The following LINGO3 variants were observed in gnomAD, a reference collection of about 807,000 sequenced individuals.
The protein encoded by LINGO3 is leucine rich repeat and Ig domain containing 3.
For synonymous variants in LINGO3, 427 were observed against 444.2 expected, an observed-to-expected ratio of 0.96 and a Z score of 0.49; for missense variants, 750 against 867.7, an observed-to-expected ratio of 0.86 and a Z score of 1.70.
chr19:2,305,739 C>G, the LINGO3 span, among the ~76,000 whole-genome samples: 1 of 152,190 alleles, frequency 6.6e-6, no homozygotes, highest in Non-Finnish European at 1.5e-5. Flanking sequence ...CTCCCTCCCT[C>G]TGCCCCCCAC....
At chr19:2,305,873 G>A in the LINGO3 span, among the ~76,000 whole-genome samples, 2 of 152,196 alleles carry the variant, frequency 1.3e-5, no homozygotes, top group Non-Finnish European at 2.9e-5. Context: ...TCTGCTTTTG[G>A]GGACACGCTG....
At chr19:2,305,072 A>G in the LINGO3 span, among the ~76,000 whole-genome samples, 6 of 152,076 alleles carry the variant, frequency 3.9e-5, no homozygotes, top group Non-Finnish European at 7.4e-5. Flanking sequence ...CGGTGCAATA[A>G]TAAATGTGTG....
chr19:2,300,729 C>T, the LINGO3 span, among the ~76,000 whole-genome samples: 1,944 of 152,250 alleles, frequency 0.013, 55 homozygotes, highest in African/African-American at 0.045. Flanking sequence ...TCCCCCACCC[C>T]GAACTCCCCT....
At chr19:2,292,988 A>G (rs2025540624), upstream of LINGO3, among the ~76,000 whole-genome samples, 1 of 152,314 alleles carries the variant, frequency 6.6e-6, no homozygotes, top group East Asian at 1.9e-4. Flanking sequence ...GACCCAGGCC[A>G]CGGTGGGGAT....
At chr19:2,291,335 C>T in exon 1 of LINGO3, 1 of 1,613,166 alleles carries the variant, frequency 6.2e-7, no homozygotes, top group Non-Finnish European at 8.5e-7. Context: ...CTGTGCAGGT[C>T]CTGGAAAGTG....
chr19:2,298,968 G>A, the LINGO3 span, among the ~76,000 whole-genome samples: 75 of 152,286 alleles, frequency 4.9e-4, no homozygotes, highest in South Asian at 7.5e-3. Flanking sequence ...AAGTGCCTGC[G>A]GGAGGCCTCA....
chr19:2,308,145 C>A, the LINGO3 span, among the ~76,000 whole-genome samples: 2 of 136,488 alleles, frequency 1.5e-5, no homozygotes, highest in South Asian at 2.2e-4. Context: ...CACGAGCAGC[C>A]GCCGCCGCCG....
chr19:2,291,915 G>C, exon 1 of LINGO3: 1 of 720,864 alleles, frequency 1.4e-6, no homozygotes, highest in Non-Finnish European at 2.4e-6. Flanking sequence ...GTCCCAGCAC[G>C]GCGGCTCGCT....
At chr19:2,300,632 C>T in the LINGO3 span, among the ~76,000 whole-genome samples, 3 of 152,072 alleles carry the variant, frequency 2.0e-5, no homozygotes, top group African/African-American at 7.2e-5. Flanking sequence ...ACCCCGGCCA[C>T]GCGGAGCCAA....
chr19:2,293,374 T>C (rs1416909927), upstream of LINGO3, among the ~76,000 whole-genome samples: 1 of 142,690 alleles, frequency 7.0e-6, no homozygotes, highest in Non-Finnish European at 1.5e-5. Flanking sequence ...TTTTTTTTTT[T>C]TTGGAGACAG....
At chr19:2,293,421 G>A (rs1464824999), upstream of LINGO3, among the ~76,000 whole-genome samples, 1 of 143,518 alleles carries the variant, frequency 7.0e-6, no homozygotes, top group Non-Finnish European at 1.5e-5. Flanking sequence ...GCAGTGGTGC[G>A]ATCTCAGCTC....
At chr19:2,297,367 T>G in the LINGO3 span, among the ~76,000 whole-genome samples, 1 of 132,286 alleles carries the variant, frequency 7.6e-6, no homozygotes, top group Non-Finnish European at 1.6e-5. Flanking sequence ...TGCAGTGGCA[T>G]GATCTCTGTT....
At chr19:2,300,907 G>A in the LINGO3 span, among the ~76,000 whole-genome samples, 1 of 152,212 alleles carries the variant, frequency 6.6e-6, no homozygotes, top group African/African-American at 2.4e-5. Flanking sequence ...GTCGTTCTCT[G>A]GGGTGGGGCC....
upstream of LINGO3, among the ~76,000 whole-genome samples, chr19:2,294,889 G>A (rs1460878226): frequency 1.3e-5 from 2 of 152,090 alleles, no homozygotes; most frequent in Admixed American, 1.3e-4. This position sits in a 1 kb window ranked among gnomAD's most constrained non-coding sequence, Gnocchi z 4.3. Context: ...CTGCTTGGCC[G>A]CCTCCCCCGC....
At chr19:2,297,320 T>C in the LINGO3 span, among the ~76,000 whole-genome samples, 89 of 137,462 alleles carry the variant, frequency 6.5e-4, no homozygotes, top group Non-Finnish European at 1.2e-3. Context: ...TTTTTTTTTT[T>C]CTGAGACAGA....
the LINGO3 span, among the ~76,000 whole-genome samples, chr19:2,306,073 G>C: frequency 6.6e-6 from 1 of 152,252 alleles, no homozygotes; most frequent in Non-Finnish European, 1.5e-5. Flanking sequence ...ACTGCCCTCT[G>C]CAGGCAGGGC....
upstream of LINGO3, among the ~76,000 whole-genome samples, chr19:2,296,024 A>C (rs542245293): frequency 2.1e-4 from 32 of 152,212 alleles, no homozygotes; most frequent in South Asian, 6.4e-3. Flanking sequence ...TGCCCCCCCC[A>C]ACCCCGGAAT....
chr19:2,302,067 T>G, the LINGO3 span, among the ~76,000 whole-genome samples: 1 of 139,934 alleles, frequency 7.1e-6, no homozygotes, highest in East Asian at 2.1e-4. Flanking sequence ...GTAGTTTTTT[T>G]TTTTTTTTTT....
exon 1 of LINGO3, chr19:2,291,696 G>A (rs918967520): frequency 4.9e-5 from 65 of 1,339,290 alleles, no homozygotes; most frequent in Non-Finnish European, 6.0e-5. Flanking sequence ...ACTCGCAGCG[G>A]GCCGGGCAGC....
Sources: allele counts gnomAD v4.1 joint callset (sites outside exome capture counted in the v4.1 genomes callset), GRCh38; gene constraint gnomAD v4.1.1; non-coding constraint Gnocchi (gnomAD v3.1); transcripts MANE v1.5; gene names NCBI Gene and HGNC (gene_info 2026-07-23, HGNC 2026-07-21).